Variants in TBC1D5 observed in about 807,000 individuals in gnomAD.
TBC1D5 encodes the protein TBC1 domain family, member 5.
A neutral mutation model predicts 100.3 loss-of-function variants in TBC1D5; 75 were observed. The observed-to-expected ratio is 0.75, with a 90% CI of 0.62 to 0.91. TBC1D5 has a LOEUF of 0.91. Among genes scored for constraint, TBC1D5 ranks in the 40% least tolerant of loss-of-function variants. The pLI is 0.00. For missense variants in TBC1D5, 910 were observed against 942.4 expected (o/e 0.97, Z 0.45); for synonymous variants, 323 against 325.6 (o/e 0.99, Z 0.09).
At chr3:17,397,025 G>A (rs1338257214) in intron 8 of TBC1D5, among the ~76,000 whole-genome samples, 1 of 152,024 alleles carries the variant, frequency 6.6e-6, no homozygotes, top group African/African-American at 2.4e-5. Context: ...GCCATTATCA[G>A]CTATAGCTAC....
intron 18 of TBC1D5, among the ~76,000 whole-genome samples, chr3:17,202,501 G>T (rs1307269191): frequency 1.3e-5 from 2 of 152,224 alleles, no homozygotes; most frequent in Non-Finnish European, 2.9e-5. Flanking sequence ...GTAAAGAGGG[G>T]TGAATGTTAA....
At chr3:17,707,981 C>T (rs1166983648) in intron 1 of TBC1D5, among the ~76,000 whole-genome samples, 1 of 152,152 alleles carries the variant, frequency 6.6e-6, no homozygotes, top group African/African-American at 2.4e-5. Context: ...GTTATGCAAT[C>T]AAATTCACAT....
At chr3:17,232,065 T>C (rs565242781) in intron 17 of TBC1D5, among the ~76,000 whole-genome samples, 1 of 152,304 alleles carries the variant, frequency 6.6e-6, no homozygotes, top group East Asian at 1.9e-4. Context: ...TAAATACTTG[T>C]TGAATAAACA....
chr3:17,417,358 C>T (rs2149209817), intron 4 of TBC1D5, among the ~76,000 whole-genome samples: 1 of 142,810 alleles, frequency 7.0e-6, no homozygotes, highest in South Asian at 2.3e-4. Flanking sequence ...TACCCCACAA[C>T]AGTAACCAGA....
intron 1 of TBC1D5, among the ~76,000 whole-genome samples, chr3:17,727,389 T>C (rs1444173381): frequency 2.0e-5 from 3 of 151,948 alleles, no homozygotes; most frequent in Non-Finnish European, 4.4e-5. Flanking sequence ...TCAAAAAAAG[T>C]ACAAAAATTA....
At chr3:17,374,428 G>A in intron 12 of TBC1D5, 43 bp downstream of exon 12, 4 of 1,549,960 alleles carry the variant, frequency 2.6e-6, no homozygotes, top group Non-Finnish European at 3.5e-6. Context: ...GAAAGCATTT[G>A]CTCCATAGCA....
chr3:17,507,773 TG>T (rs2153229676), intron 3 of TBC1D5, among the ~76,000 whole-genome samples: 1 of 152,250 alleles, frequency 6.6e-6, no homozygotes, highest in African/African-American at 2.4e-5. Context: ...AAATATTTAG[TG>T]AACTGCTTAA....
At chr3:17,626,518 G>C (rs1560314703) in intron 1 of TBC1D5, among the ~76,000 whole-genome samples, 1 of 152,084 alleles carries the variant, frequency 6.6e-6, no homozygotes, top group Non-Finnish European at 1.5e-5. Flanking sequence ...AGACCCAAGT[G>C]AAAAACAAAA....
intron 17 of TBC1D5, among the ~76,000 whole-genome samples, chr3:17,215,178 C>T (rs1460843454): frequency 6.6e-6 from 1 of 151,980 alleles, no homozygotes; most frequent in African/African-American, 2.4e-5. Context: ...ATTGCTCTGG[C>T]TGTTGTATTG....
intron 2 of TBC1D5, among the ~76,000 whole-genome samples, chr3:17,554,829 T>G (rs553060022): frequency 5.1e-4 from 78 of 152,188 alleles, no homozygotes; most frequent in Admixed American, 1.3e-3. Context: ...CTTCTTTTCA[T>G]ATATTTAATA....
intron 9 of TBC1D5, among the ~76,000 whole-genome samples, chr3:17,379,758 T>C (rs773898967): frequency 6.6e-6 from 1 of 151,998 alleles, no homozygotes; most frequent in Non-Finnish European, 1.5e-5. Flanking sequence ...ATGACAAAGG[T>C]ATTAAAATTA....
At chr3:17,704,845 C>T (rs1276611303) in intron 1 of TBC1D5, among the ~76,000 whole-genome samples, 1 of 107,394 alleles carries the variant, frequency 9.3e-6, no homozygotes, top group African/African-American at 3.8e-5. Context: ...CCACCTCCCT[C>T]CCGGACAGGG....
intron 17 of TBC1D5, among the ~76,000 whole-genome samples, chr3:17,217,741 G>T (rs942447613): frequency 6.6e-6 from 1 of 152,004 alleles, no homozygotes; most frequent in Non-Finnish European, 1.5e-5. Context: ...AGTTGTAAGT[G>T]CTCTTCATAT....
intron 13 of TBC1D5, among the ~76,000 whole-genome samples, chr3:17,363,255 T>G (rs999411147): frequency 6.6e-6 from 1 of 152,118 alleles, no homozygotes; most frequent in Non-Finnish European, 1.5e-5. Flanking sequence ...ACATGGACTT[T>G]TATTCTACTG....
At chr3:17,359,566 C>T (rs1289949216) in intron 13 of TBC1D5, among the ~76,000 whole-genome samples, 3 of 152,036 alleles carry the variant, frequency 2.0e-5, no homozygotes, top group Admixed American at 6.6e-5. Flanking sequence ...CTTGCTTTTA[C>T]AGGCACATTT....
At chr3:17,178,187 T>C (rs533236843) in intron 19 of TBC1D5, among the ~76,000 whole-genome samples, 3 of 151,290 alleles carry the variant, frequency 2.0e-5, no homozygotes, top group Non-Finnish European at 4.4e-5. Context: ...TGCCTCAGCC[T>C]CCTGAGTAGC....
intron 13 of TBC1D5, among the ~76,000 whole-genome samples, chr3:17,309,387 A>G (rs1042486999): frequency 1.3e-5 from 2 of 151,988 alleles, no homozygotes; most frequent in African/African-American, 4.8e-5. Context: ...CAATTACTCA[A>G]TTTTTCAGTA....
intron 1 of TBC1D5, among the ~76,000 whole-genome samples, chr3:17,717,318 CTTTA>C (rs10577295): frequency 0.57 from 86,230 of 150,980 alleles, 25,385 homozygotes; most frequent in East Asian, 0.99. Context: ...TTTAAATAAT[CTTTA>C]TTTAATACTA....
At chr3:17,512,364 A>G (rs1576443353) in intron 2 of TBC1D5, among the ~76,000 whole-genome samples, 1 of 151,080 alleles carries the variant, frequency 6.6e-6, no homozygotes, top group Non-Finnish European at 1.5e-5. Flanking sequence ...TAAACATAAC[A>G]CTTACAATGG....
Sources: gnomAD v4.1 joint callset for allele counts (sites outside exome capture counted in the v4.1 genomes callset) on GRCh38, gnomAD v4.1.1 for gene constraint, MANE v1.5 for transcripts, NCBI Gene and HGNC (gene_info 2026-07-23, HGNC 2026-07-21) for gene names.